The following SIPA1L2 variants were observed in gnomAD, a reference collection of about 807,000 sequenced individuals.
SIPA1L2 encodes signal induced proliferation associated 1 like 2, also known as signal-induced proliferation-associated 1-like protein 2.
A neutral mutation model predicts 163.9 loss-of-function variants in SIPA1L2; 56 were observed. The observed-to-expected ratio is 0.34, with a 90% CI of 0.28 to 0.43. SIPA1L2 has a LOEUF of 0.43. Among genes scored for constraint, SIPA1L2 ranks in the 20% least tolerant of loss-of-function variants. SIPA1L2 has a pLI of 1.00. For synonymous variants in SIPA1L2, 877 were observed against 865.7 expected, an observed-to-expected ratio of 1.01 and a Z score of -0.23; for missense variants, 1,974 against 2,193.5, an observed-to-expected ratio of 0.90 and a Z score of 2.00.
intron 1 of SIPA1L2, among the ~76,000 whole-genome samples, chr1:232,619,185 C>T (rs1662664777): frequency 6.6e-6 from 1 of 152,168 alleles, no homozygotes; most frequent in African/African-American, 2.4e-5. Flanking sequence ...AGTTTCCCTG[C>T]ACACAAGAGG....
At chr1:232,513,772 T>C in intron 3 of SIPA1L2, 85 bp downstream of exon 3, 2 of 1,393,294 alleles carry the variant, frequency 1.4e-6, no homozygotes, top group Non-Finnish European at 1.9e-6. Flanking sequence ...CTGAGGAAGG[T>C]GCTCCAACAC....
chr1:232,431,016 C>T (rs549277225), intron 16 of SIPA1L2, among the ~76,000 whole-genome samples: 6 of 152,298 alleles, frequency 3.9e-5, no homozygotes, highest in South Asian at 2.1e-4. Context: ...CAAACCAGTG[C>T]GTGGAAATGC....
chr1:232,491,733 T>C (rs1255293366), intron 4 of SIPA1L2, among the ~76,000 whole-genome samples: 1 of 152,212 alleles, frequency 6.6e-6, no homozygotes, highest in African/African-American at 2.4e-5. Flanking sequence ...GAACTGGTTC[T>C]AATCCAACCT....
At chr1:232,523,823 C>T (rs369152069) in intron 2 of SIPA1L2, among the ~76,000 whole-genome samples, 19 of 152,076 alleles carry the variant, frequency 1.2e-4, no homozygotes, top group African/African-American at 4.6e-4. Flanking sequence ...CTGTGCAAAG[C>T]GTGTCCCATC....
In SIPA1L2 at chr1:232,501,050, A is replaced by ATTTTTTTTTTT. The variant is rs60008360; in HGVS notation, c.1484-7401_1484-7391dup. ...TGTTAGCACTTTTTAGCAATGAAGT[A>ATTTTTTTTTTT]TTTTTTTTTTTTTTTTTTTTTTTGT... is the stretch of plus-strand genomic sequence containing the variant. On this transcript the variant is annotated intron_variant, in intron 3 of 22. Transcript: ENST00000674635. Among the ~76,000 whole-genome samples, 570 of 78,422 alleles carry ATTTTTTTTTTT rather than the reference A, an allele frequency of 7.3e-3. 68 individuals are homozygous for ATTTTTTTTTTT. The highest frequency in any genetic ancestry group is 0.019 in the East Asian group (39 of 2,108). The allele number at this position is 78,422 out of a possible 152,430, so 51.4% of individuals were successfully genotyped here. A position where few individuals can be genotyped will look rare whatever the true frequency, so the allele number is the denominator to read the frequency against.
chr1:232,475,753 C>T (rs984807442), intron 7 of SIPA1L2, among the ~76,000 whole-genome samples: 17 of 152,124 alleles, frequency 1.1e-4, no homozygotes, highest in South Asian at 6.2e-4. Flanking sequence ...AATGTACAAA[C>T]GAATTAAGAA....
At chr1:232,486,934 C>T (rs1665674983) in intron 5 of SIPA1L2, among the ~76,000 whole-genome samples, 2 of 152,190 alleles carry the variant, frequency 1.3e-5, no homozygotes, top group South Asian at 4.1e-4. Flanking sequence ...TCTCTCAGAC[C>T]AAGGCTTCAT....
intron 1 of SIPA1L2, among the ~76,000 whole-genome samples, chr1:232,606,731 A>G (rs969156671): frequency 2.0e-5 from 3 of 151,356 alleles, no homozygotes; most frequent in East Asian, 1.9e-4. Flanking sequence ...TTCCTATGTA[A>G]TAAGTTTAAA....
At chr1:232,626,344 G>A (rs550552253) in intron 1 of SIPA1L2, among the ~76,000 whole-genome samples, 8 of 150,106 alleles carry the variant, frequency 5.3e-5, no homozygotes, top group Admixed American at 4.7e-4. Flanking sequence ...AACTAGACTC[G>A]ACTTGCTGCA....
intron 19 of SIPA1L2, among the ~76,000 whole-genome samples, chr1:232,409,889 C>T (rs1403214230): frequency 2.6e-5 from 4 of 152,154 alleles, no homozygotes; most frequent in African/African-American, 9.7e-5. Flanking sequence ...GTTTGTTACA[C>T]AGCAATAGGT....
chr1:232,595,348 T>C (rs1182231047), intron 1 of SIPA1L2, among the ~76,000 whole-genome samples: 1 of 152,046 alleles, frequency 6.6e-6, no homozygotes, highest in Middle Eastern at 3.2e-3. Flanking sequence ...AAAATTAAAT[T>C]AAGCCATAAA....
At chr1:232,606,187 C>T (rs1661910331) in intron 1 of SIPA1L2, among the ~76,000 whole-genome samples, 1 of 152,166 alleles carries the variant, frequency 6.6e-6, no homozygotes, top group Non-Finnish European at 1.5e-5. Flanking sequence ...TTTCATAAGT[C>T]ATGTAGACTA....
intron 18 of SIPA1L2, among the ~76,000 whole-genome samples, chr1:232,420,257 T>C (rs1223803668): frequency 6.6e-6 from 1 of 151,062 alleles, no homozygotes; most frequent in East Asian, 2.0e-4. Context: ...CGGGAGGTGG[T>C]GGCTGCAGCG....
chr1:232,428,331 A>C (rs1662022005), intron 17 of SIPA1L2, 80 bp downstream of exon 17: 4 of 1,267,230 alleles, frequency 3.2e-6, no homozygotes, highest in Non-Finnish European at 4.2e-6. Context: ...TACTCTGGAA[A>C]CCTCTGAGTT....
rs759491936 is a variant in SIPA1L2, at chr1:232,514,092, A to T, written c.1248T>A (p.Thr416=). Residue 416 remains threonine, a synonymous_variant, in exon 3 of 23, where the codon ACT becomes ACA. Transcript: ENST00000674635. ...VLSCPYFRNE[T]GGEGDRRIAL... is the part of the protein sequence containing the mutation. ...CAATCCGCCTGTCGCCTTCCCCTCCAGTCTCATTTCTAAAGTAAGGACAAC... is the reference window on the plus strand; with the variant it reads ...CAATCCGCCTGTCGCCTTCCCCTCCTGTCTCATTTCTAAAGTAAGGACAAC... 6.2e-7 allele frequency: 1 copy of T among 1,614,164 alleles called. No homozygotes were observed. Among genetic ancestry groups the T allele is most frequent in the South Asian group, 1.1e-5 (1 of 91,082 alleles).
intron 19 of SIPA1L2, among the ~76,000 whole-genome samples, chr1:232,414,639 C>A (rs1350793784): frequency 5.3e-5 from 8 of 152,188 alleles, no homozygotes; most frequent in Non-Finnish European, 5.9e-5. Context: ...GAGCGCAGGG[C>A]ATTAAACAGC....
chr1:232,504,008 C>T (rs1468246655), intron 3 of SIPA1L2, among the ~76,000 whole-genome samples: 1 of 151,928 alleles, frequency 6.6e-6, no homozygotes, highest in Non-Finnish European at 1.5e-5. Context: ...CTGGGCATCA[C>T]TGCAAGGCCC....
At chr1:232,517,090 T>C (rs2103051272) in intron 2 of SIPA1L2, among the ~76,000 whole-genome samples, 1 of 152,322 alleles carries the variant, frequency 6.6e-6, no homozygotes, top group East Asian at 1.9e-4. Flanking sequence ...TACAGGTCAC[T>C]TGTGGCATAA....
chr1:232,585,004 G>T (rs995829918), intron 1 of SIPA1L2, among the ~76,000 whole-genome samples: 67 of 152,224 alleles, frequency 4.4e-4, no homozygotes, highest in African/African-American at 1.6e-3. Context: ...TTTCATTTAA[G>T]CCCCCATTAC....
Sources: allele counts gnomAD v4.1 joint callset (sites outside exome capture counted in the v4.1 genomes callset), GRCh38; gene constraint gnomAD v4.1.1; transcripts MANE v1.5; gene names NCBI Gene and HGNC (gene_info 2026-07-23, HGNC 2026-07-21).